The following RALYL variants were observed in gnomAD, a reference collection of about 807,000 sequenced individuals.
RALYL encodes the protein RNA-binding Raly-like protein.
Under a neutral mutation model 35.1 loss-of-function variants are expected in RALYL, and 29 were observed. The observed-to-expected ratio is 0.83, with a 90% CI of 0.61 to 1.13. The LOEUF is 1.13. RALYL is among the 50% of genes most tolerant of loss of function. The pLI is 0.00. For synonymous variants in RALYL, 120 were observed against 127.6 expected (o/e 0.94, Z 0.40); for missense variants, 359 against 360.4 (o/e 1.00, Z 0.03).
chr8:84,574,305 G>T (rs1362212383), intron 2 of RALYL, among the ~76,000 whole-genome samples: 2 of 151,952 alleles, frequency 1.3e-5, no homozygotes, highest in African/African-American at 4.8e-5. Context: ...CTGAGAATTG[G>T]TGAACTCACC....
At chr8:84,705,805 A>G in intron 2 of RALYL, 1 of 923,788 alleles carries the variant, frequency 1.1e-6, no homozygotes, top group African/African-American at 1.7e-5. Context: ...TGAAGGAAAT[A>G]CAATTTTCCC....
chr8:84,523,347 G>A (rs2134732649), intron 1 of RALYL, among the ~76,000 whole-genome samples: 1 of 146,570 alleles, frequency 6.8e-6, no homozygotes, highest in East Asian at 2.2e-4. Context: ...GAACAGCATG[G>A]GGAAAAAAAA....
chr8:84,627,322 C>G (rs1822949882), intron 2 of RALYL, among the ~76,000 whole-genome samples: 1 of 139,284 alleles, frequency 7.2e-6, no homozygotes, highest in South Asian at 2.3e-4. Context: ...AATCTGGGTA[C>G]CTGAAATCCC....
intron 2 of RALYL, among the ~76,000 whole-genome samples, chr8:84,665,158 G>A (rs985800924): frequency 1.3e-5 from 2 of 152,054 alleles, no homozygotes; most frequent in Non-Finnish European, 2.9e-5. Context: ...AACCAACCTT[G>A]CATGAAGTCT....
chr8:84,658,752 T>C (rs1432607260), intron 2 of RALYL, among the ~76,000 whole-genome samples: 1 of 152,054 alleles, frequency 6.6e-6, no homozygotes, highest in Non-Finnish European at 1.5e-5. Flanking sequence ...ATGTTGATAC[T>C]CTGTGGCTAG....
intron 2 of RALYL, among the ~76,000 whole-genome samples, chr8:84,761,065 T>C (rs1483513011): frequency 6.6e-6 from 1 of 152,080 alleles, no homozygotes; most frequent in African/African-American, 2.4e-5. Flanking sequence ...GGCTAAAATA[T>C]GTACACATTT....
At chr8:84,215,559 C>A (rs1170896302) in intron 1 of RALYL, among the ~76,000 whole-genome samples, 1 of 150,918 alleles carries the variant, frequency 6.6e-6, no homozygotes, top group Non-Finnish European at 1.5e-5. Flanking sequence ...TAATCCCAGG[C>A]CATATTTTTT....
chr8:84,588,305 T>C (rs899350075), intron 2 of RALYL, among the ~76,000 whole-genome samples: 2 of 152,170 alleles, frequency 1.3e-5, no homozygotes, highest in African/African-American at 4.8e-5. Context: ...CTTTATGCCA[T>C]GATAAGGAAA....
At chr8:84,755,958 T>A (rs1422586400) in intron 2 of RALYL, among the ~76,000 whole-genome samples, 1 of 151,992 alleles carries the variant, frequency 6.6e-6, no homozygotes, top group African/African-American at 2.4e-5. Flanking sequence ...GAGTTTTAAA[T>A]CATGTGAAGC....
chr8:84,245,484 G>T (rs1261085678), intron 1 of RALYL, among the ~76,000 whole-genome samples: 2 of 152,120 alleles, frequency 1.3e-5, no homozygotes, highest in African/African-American at 2.4e-5. Context: ...GATAAATTCT[G>T]CTTGGGGGCC....
At chr8:84,720,248 C>A in intron 2 of RALYL, among the ~76,000 whole-genome samples, 1 of 152,138 alleles carries the variant, frequency 6.6e-6, no homozygotes, top group East Asian at 1.9e-4. Context: ...CACTACCTGA[C>A]TTCAAAATAT....
intron 1 of RALYL, among the ~76,000 whole-genome samples, chr8:84,294,274 G>A (rs1330287442): frequency 6.6e-6 from 1 of 152,078 alleles, no homozygotes; most frequent in African/African-American, 2.4e-5. Flanking sequence ...GCTTATCTAA[G>A]TACATGATAA....
chr8:84,336,227 T>C (rs34979696), intron 1 of RALYL, among the ~76,000 whole-genome samples: 4,732 of 152,240 alleles, frequency 0.031, 113 homozygotes, highest in East Asian at 0.13. Context: ...GGACACTGAA[T>C]TGATTGTTTT....
chr8:84,219,392 G>C (rs902503389), intron 1 of RALYL, among the ~76,000 whole-genome samples: 1 of 151,936 alleles, frequency 6.6e-6, no homozygotes, highest in Non-Finnish European at 1.5e-5. Flanking sequence ...GGCCTCCCTA[G>C]CCATGCTGAA....
At chr8:84,415,795 G>A (rs2044635817) in intron 1 of RALYL, among the ~76,000 whole-genome samples, 1 of 152,124 alleles carries the variant, frequency 6.6e-6, no homozygotes, top group Non-Finnish European at 1.5e-5. Context: ...GTATATTTAT[G>A]TACTTAGTGT....
chr8:84,598,114 T>G (rs1420197015), intron 2 of RALYL, among the ~76,000 whole-genome samples: 2 of 152,144 alleles, frequency 1.3e-5, no homozygotes. Context: ...TTGGTTCCTA[T>G]GCTTGTCTTC....
At chr8:84,629,273 A>G (rs999262519) in intron 2 of RALYL, among the ~76,000 whole-genome samples, 4 of 152,092 alleles carry the variant, frequency 2.6e-5, no homozygotes, top group African/African-American at 9.7e-5. Flanking sequence ...TCCTTCACCT[A>G]GATAGCAGGG....
intron 5 of RALYL, among the ~76,000 whole-genome samples, chr8:84,852,588 T>G (rs1836095497): frequency 6.6e-6 from 1 of 152,218 alleles, no homozygotes; most frequent in Non-Finnish European, 1.5e-5. Context: ...TTTTAGCATC[T>G]TTTATTTTCT....
At chr8:84,348,247 T>C (rs1850218963) in intron 1 of RALYL, among the ~76,000 whole-genome samples, 1 of 152,148 alleles carries the variant, frequency 6.6e-6, no homozygotes, top group Admixed American at 6.6e-5. Context: ...AAATCACTTC[T>C]GAGGAAGTAA....
Sources: gnomAD v4.1 joint callset for allele counts (sites outside exome capture counted in the v4.1 genomes callset) on GRCh38, gnomAD v4.1.1 for gene constraint, MANE v1.5 for transcripts, NCBI Gene and HGNC (gene_info 2026-07-23, HGNC 2026-07-21) for gene names.